CACNA1C: variants seen among roughly 807,000 people sequenced by gnomAD.
CACNA1C encodes voltage-dependent L-type calcium channel subunit alpha-1C.
A neutral mutation model predicts 229.0 loss-of-function variants in CACNA1C; 30 were observed. That is an observed-to-expected ratio of 0.13 (90% CI 0.10 to 0.18). The LOEUF (loss-of-function observed/expected upper bound fraction) is 0.18, where lower values mean the gene tolerates loss of function less well. Ranked by LOEUF, CACNA1C falls within the 10% of genes least tolerant of loss-of-function variation. CACNA1C has a pLI of 1.00. For synonymous variants in CACNA1C, 1,114 were observed against 1,132.5 expected (o/e 0.98, Z 0.33); for missense variants, 1,658 against 2,845.0 (o/e 0.58, Z 9.49).
At position 2,197,259 on chromosome 12, in the gene CACNA1C, C is replaced by G. The variant is rs2097435162; in HGVS notation, c.477+76829C>G. 1.3e-5 allele frequency among the ~76,000 whole-genome samples: 2 copies of G among 152,206 alleles called. 1 individual carries two copies. The highest frequency in any genetic ancestry group is 4.1e-4 in the South Asian group (2 of 4,824). The stretch of plus-strand genomic sequence containing the variant: ...CTCTCTCTGCTGCTTTTCCCTGTTA[C>G]AGTGTGTAAACTGAGATTCCACACT... On this transcript the variant is annotated intron_variant, in intron 3 of 46. Transcript: ENST00000399655.
At chr12:2,120,692 G>GTGTGTGTGTGTGTGTGT (rs764879260) in intron 3 of CACNA1C, among the ~76,000 whole-genome samples, 4 of 150,538 alleles carry the variant, frequency 2.7e-5, no homozygotes, top group Non-Finnish European at 4.4e-5. Context: ...GTGTGTGTGT[G>GTGTGTGTGTGTGTGTGT]TGTGTTTAGT....
In CACNA1C at chr12:2,665,202, C is replaced by A. The variant is rs188585386; in HGVS notation, c.4398+212C>A. 3.2e-4 allele frequency among the ~76,000 whole-genome samples: 48 copies of A among 152,344 alleles called. No individual in the cohort carries two copies. Among genetic ancestry groups the A allele is most frequent in the Non-Finnish European group, 6.3e-4 (43 of 68,032 alleles). ...TCCACCAGCATCTTGCTTGTCTGTT[C>A]TTGGCTGTTGTCATGGTGGCATTGT... On this transcript the variant is annotated intron_variant, in intron 35 of 46. Transcript: ENST00000399655. The surrounding 1 kb of genome is among the most constrained non-coding windows in gnomAD (Gnocchi z 5.9).
At position 2,649,456 on chromosome 12, in the gene CACNA1C, C is replaced by T. The variant is rs945033684; in HGVS notation, c.3945+949C>T. Among the ~76,000 whole-genome samples the T allele has an allele frequency of 5.9e-5, 9 of 152,220 alleles. No individual in the cohort carries two copies. Among genetic ancestry groups the T allele is most frequent in the Non-Finnish European group, 7.3e-5 (5 of 68,038 alleles). On this transcript the variant is annotated intron_variant, in intron 31 of 46. Transcript: ENST00000399655. The surrounding 1 kb of genome is among the most constrained non-coding windows in gnomAD (Gnocchi z 4.4). The stretch of plus-strand genomic sequence containing the variant: ...AGGCTGCCACAGGAAAGGCTGAGCC[C>T]GGGTGCTCTACCCCGCTTCCTGGGG...
At chr12:2,140,331 C>T (rs2094026396) in intron 3 of CACNA1C, among the ~76,000 whole-genome samples, 1 of 151,430 alleles carries the variant, frequency 6.6e-6, no homozygotes, top group African/African-American at 2.4e-5. Context: ...AAGGGCCTCC[C>T]AGTCACTTTT....
At chr12:2,471,614 T>C (rs539762823) in intron 5 of CACNA1C, among the ~76,000 whole-genome samples, 1 of 152,344 alleles carries the variant, frequency 6.6e-6, no homozygotes, top group South Asian at 2.1e-4. Context: ...ACAGGTTTTT[T>C]TTTCTTTCAG....
At position 2,624,870 on chromosome 12, in the gene CACNA1C, AG is replaced by A. The variant is rs201482405; in HGVS notation, c.3829-9426del. ...GGTAGAGAAATGCATTAAAAGGAGT[AG>A]AAAAGGGACCGGGAAAGAAGGGCAG... On this transcript the variant is annotated intron_variant, in intron 29 of 46. Coordinates refer to ENST00000399655, the MANE Select transcript of CACNA1C (RefSeq NM_000719.7). 5.4e-3 allele frequency among the ~76,000 whole-genome samples: 816 copies of A among 152,370 alleles called. 6 individuals are homozygous for A. Among genetic ancestry groups the A allele is most frequent in the Non-Finnish European group, 8.3e-3 (562 of 68,032 alleles).
intron 5 of CACNA1C, among the ~76,000 whole-genome samples, chr12:2,460,509 A>C (rs935499941): frequency 6.6e-5 from 10 of 152,212 alleles, no homozygotes; most frequent in Admixed American, 6.5e-4. Flanking sequence ...ATTAAAAGGA[A>C]GAATTAGATT....
intron 3 of CACNA1C, among the ~76,000 whole-genome samples, chr12:2,337,238 T>C (rs933245451): frequency 6.6e-6 from 1 of 152,184 alleles, no homozygotes; most frequent in Admixed American, 6.5e-5. Flanking sequence ...GAGAGGCCCT[T>C]CCCCTGTAGA....
At chr12:2,090,945 G>A (rs1370520939) in intron 1 of CACNA1C, among the ~76,000 whole-genome samples, 2 of 152,226 alleles carry the variant, frequency 1.3e-5, no homozygotes, top group African/African-American at 4.8e-5. Context: ...TGGGTGTGAA[G>A]TGATAGCTCA....
intron 29 of CACNA1C, among the ~76,000 whole-genome samples, chr12:2,618,989 G>A (rs752706727): frequency 1.6e-4 from 24 of 152,186 alleles, no homozygotes; most frequent in Non-Finnish European, 2.6e-4. Flanking sequence ...ATGCACTTCT[G>A]TATGATGCAG....
intron 3 of CACNA1C, among the ~76,000 whole-genome samples, chr12:2,439,803 T>C (rs2099200267): frequency 6.6e-6 from 1 of 152,094 alleles, no homozygotes; most frequent in African/African-American, 2.4e-5. Context: ...TTGCCCTCAA[T>C]AAATAGGTGC....
At chr12:1,975,523 T>C (rs2034060675) in intron 1 of CACNA1C, among the ~76,000 whole-genome samples, 1 of 152,146 alleles carries the variant, frequency 6.6e-6, no homozygotes, top group African/African-American at 2.4e-5. Context: ...ATGCTTTCCT[T>C]ATTAAGCATT....
At chr12:2,057,313 A>G (rs11062093) in intron 1 of CACNA1C, among the ~76,000 whole-genome samples, 35,809 of 152,160 alleles carry the variant, frequency 0.24, 4,394 homozygotes, top group Non-Finnish European at 0.25. Context: ...GCAAGGCTGA[A>G]CAAATAAATG....
chr12:2,676,877 G>A (rs1603448630), intron 39 of CACNA1C: 1 of 423,694 alleles, frequency 2.4e-6, no homozygotes, highest in Admixed American at 3.6e-5. Context: ...TCTACAGGAG[G>A]TGGTGACTAG....
chr12:2,186,735 A>T (rs1026442059), intron 3 of CACNA1C, among the ~76,000 whole-genome samples: 36 of 152,200 alleles, frequency 2.4e-4, no homozygotes, highest in African/African-American at 8.4e-4. Context: ...TAAGTCAGTT[A>T]TCAACACGAC....
chr12:2,106,702 G>A (rs1205184494), intron 1 of CACNA1C, among the ~76,000 whole-genome samples: 59 of 116,448 alleles, frequency 5.1e-4, no homozygotes, highest in Non-Finnish European at 9.2e-4. Flanking sequence ...CGCCCACCCC[G>A]GGGAGGGTTT....
At position 2,067,491 on chromosome 12, in the gene CACNA1C, T is replaced by TGCGC; in HGVS notation, c.49+13883_49+13884insCGCG. On this transcript the variant is annotated intron_variant, in intron 1 of 46. Transcript: ENST00000399655. This position sits in a 1 kb window ranked among gnomAD's most constrained non-coding sequence, Gnocchi z 5.3. The stretch of plus-strand genomic sequence containing the variant: ...GTGTGTGTGTGTGTGTGCGCGCGTG[T>TGCGC]GCGTGCCTGTATGTAAGGGCAGGCA... Among the ~76,000 whole-genome samples, 1 of 97,822 alleles carries TGCGC rather than the reference T, an allele frequency of 1.0e-5. No individual in the cohort carries two copies. 64.2% of individuals were successfully genotyped at this position (97,822 alleles called of 152,430 possible).
chr12:2,654,012 T>TCCCTTTCA lies in CACNA1C; in HGVS notation c.4140+112_4140+113insCCCTTTCA. The TCCCTTTCA allele has an allele frequency of 1.2e-6, 1 of 844,378 alleles. No individual in the cohort carries two copies. The highest frequency in any genetic ancestry group is 1.9e-6 in the Non-Finnish European group (1 of 525,066). 52.3% of individuals were successfully genotyped at this position (844,378 alleles called of 1,614,324 possible). A position where few individuals can be genotyped will look rare whatever the true frequency, so the allele number is the denominator to read the frequency against. ...CTCCCTTCTCCCTTTCATTCCTGAC[T>TCCCTTTCA]GTCCCTCTCCCTCCTCTTCCATTTT... is the stretch of plus-strand genomic sequence containing the variant. On this transcript the variant is annotated intron_variant, in intron 33 of 46. Coordinates refer to ENST00000399655, the MANE Select transcript of CACNA1C (RefSeq NM_000719.7). This position sits in a 1 kb window ranked among gnomAD's most constrained non-coding sequence, Gnocchi z 4.4.
At chr12:2,518,646 T>C (rs1383934834) in intron 9 of CACNA1C, among the ~76,000 whole-genome samples, 1 of 152,006 alleles carries the variant, frequency 6.6e-6, no homozygotes, top group Non-Finnish European at 1.5e-5. Context: ...AGTATTTATC[T>C]AGATCTCTCG....
Sources: gnomAD v4.1 joint callset for allele counts (sites outside exome capture counted in the v4.1 genomes callset) on GRCh38, gnomAD v4.1.1 for gene constraint, Gnocchi (gnomAD v3.1) non-coding constraint, MANE v1.5 for transcripts, NCBI Gene and HGNC (gene_info 2026-07-23, HGNC 2026-07-21) for gene names.